CCDC178: variants seen among roughly 807,000 people sequenced by gnomAD.
CCDC178 encodes the protein coiled-coil domain containing 178.
In CCDC178, 126 loss-of-function variants were observed where a neutral mutation model predicts 117.4. The observed-to-expected ratio is 1.07, with a 90% CI of 0.93 to 1.24. CCDC178 has a LOEUF of 1.24. Ranked by LOEUF, CCDC178 falls within the 50% of genes most tolerant of loss-of-function variation. The pLI, the probability that CCDC178 is intolerant of heterozygous loss-of-function variation, is 0.00. For synonymous variants in CCDC178, 283 were observed against 313.4 expected, an observed-to-expected ratio of 0.90 and a Z score of 1.02; for missense variants, 1,030 against 986.9, an observed-to-expected ratio of 1.04 and a Z score of -0.59.
At chr18:33,017,921 A>G (rs1322322565) in intron 21 of CCDC178, among the ~76,000 whole-genome samples, 2 of 152,000 alleles carry the variant, frequency 1.3e-5, no homozygotes, top group Non-Finnish European at 2.9e-5. Flanking sequence ...AGAAGAAAAA[A>G]AAAGATAGAT....
chr18:33,074,001 T>G (rs1406100816), intron 21 of CCDC178, among the ~76,000 whole-genome samples: 1 of 151,930 alleles, frequency 6.6e-6, no homozygotes, highest in Non-Finnish European at 1.5e-5. Context: ...GGTCCCTATA[T>G]TGGGAATGAG....
chr18:32,980,460 A>G (rs1239938737), intron 21 of CCDC178, among the ~76,000 whole-genome samples: 1 of 150,586 alleles, frequency 6.6e-6, no homozygotes, highest in African/African-American at 2.4e-5. Context: ...AGTCCCAGCT[A>G]CTCGGGAGGC....
chr18:32,943,517 T>A (rs1233187750), intron 22 of CCDC178, among the ~76,000 whole-genome samples: 1 of 152,194 alleles, frequency 6.6e-6, no homozygotes, highest in Non-Finnish European at 1.5e-5. Flanking sequence ...TAAAATTGTA[T>A]ACTATTAATA....
At chr18:33,166,324 C>G (rs992218187) in intron 20 of CCDC178, among the ~76,000 whole-genome samples, 1 of 152,036 alleles carries the variant, frequency 6.6e-6, no homozygotes, top group Non-Finnish European at 1.5e-5. Flanking sequence ...TGTTTATATA[C>G]AATAAAACGA....
intron 11 of CCDC178, among the ~76,000 whole-genome samples, chr18:33,315,411 T>A (rs2062401623): frequency 6.6e-6 from 1 of 152,142 alleles, no homozygotes; most frequent in Non-Finnish European, 1.5e-5. Context: ...TCAAGGAATA[T>A]GAAAATGATA....
chr18:33,372,741 T>C (rs1238854634), intron 5 of CCDC178, among the ~76,000 whole-genome samples: 2 of 152,132 alleles, frequency 1.3e-5, no homozygotes, highest in Non-Finnish European at 2.9e-5. Context: ...GCAAATGAAA[T>C]AGAAAGACTA....
intron 20 of CCDC178, among the ~76,000 whole-genome samples, chr18:33,139,510 A>T (rs951818627): frequency 2.0e-5 from 3 of 152,158 alleles, no homozygotes; most frequent in African/African-American, 4.8e-5. Context: ...GAGATGAGGA[A>T]CTTGTTGGGA....
rs560020917 is a variant in CCDC178, at chr18:32,985,438, T to C, written c.2389-10757A>G. On this transcript the variant is annotated intron_variant, in intron 21 of 22. Transcript: ENST00000383096. ...ACCCTATTATTGTCTTAGCTTCTTG[T>C]TAGTGATCTAGAATTGTTCTAGCAC... Among the ~76,000 whole-genome samples, 41 of 152,124 alleles carry C rather than the reference T, an allele frequency of 2.7e-4. No individual in the cohort carries two copies. In the South Asian group the frequency reaches 6.2e-3, roughly 23 times the overall value.
At chr18:33,084,200 T>A (rs1196539161) in intron 21 of CCDC178, among the ~76,000 whole-genome samples, 1 of 152,248 alleles carries the variant, frequency 6.6e-6, no homozygotes. Context: ...ATTTTCTCCA[T>A]AATCCTTTAA....
At chr18:33,351,942 C>T (rs2062985061) in intron 7 of CCDC178, among the ~76,000 whole-genome samples, 1 of 152,144 alleles carries the variant, frequency 6.6e-6, no homozygotes, top group Non-Finnish European at 1.5e-5. Context: ...CATAGGATGA[C>T]TTAGAAATTA....
chr18:33,298,550 T>A (rs77125639), intron 11 of CCDC178, among the ~76,000 whole-genome samples: 1,581 of 152,232 alleles, frequency 0.01, 8 homozygotes, highest in Non-Finnish European at 0.016. Flanking sequence ...AGCTGAAAGT[T>A]TTTTCTATAA....
intron 21 of CCDC178, among the ~76,000 whole-genome samples, chr18:32,985,163 T>C (rs979156038): frequency 1.3e-5 from 2 of 152,142 alleles, no homozygotes; most frequent in East Asian, 1.9e-4. Context: ...AAATATAGTA[T>C]ATTTTTACTT....
chr18:33,082,647 C>A (rs453342), intron 21 of CCDC178, among the ~76,000 whole-genome samples: 21,579 of 152,026 alleles, frequency 0.14, 2,371 homozygotes, highest in African/African-American at 0.31. Context: ...ATGGGTGCAG[C>A]ACACCAATGT....
intron 20 of CCDC178, among the ~76,000 whole-genome samples, chr18:33,148,599 A>C (rs1276148607): frequency 1.3e-5 from 2 of 151,960 alleles, no homozygotes; most frequent in African/African-American, 4.8e-5. Flanking sequence ...ATTCTGCTGG[A>C]TATCTCCCAT....
chr18:33,050,843 G>A (rs2056734370), intron 21 of CCDC178, among the ~76,000 whole-genome samples: 1 of 152,128 alleles, frequency 6.6e-6, no homozygotes, highest in South Asian at 2.1e-4. Flanking sequence ...AAATGAAATA[G>A]ATTTCTAAAA....
intron 22 of CCDC178, among the ~76,000 whole-genome samples, chr18:32,972,236 T>C (rs994861910): frequency 1.3e-5 from 2 of 152,174 alleles, no homozygotes; most frequent in African/African-American, 4.8e-5. Context: ...TTTCTGCATA[T>C]GGCTAGCCAG....
intron 21 of CCDC178, among the ~76,000 whole-genome samples, chr18:33,061,273 G>T (rs1409307517): frequency 2.0e-5 from 3 of 151,868 alleles, no homozygotes; most frequent in African/African-American, 7.2e-5. Flanking sequence ...ATATGCAAAT[G>T]TATCAGTTTA....
intron 16 of CCDC178, among the ~76,000 whole-genome samples, chr18:33,226,207 G>GT (rs1414853290): frequency 5.3e-5 from 8 of 151,932 alleles, no homozygotes; most frequent in Admixed American, 5.3e-4. Flanking sequence ...CACTGAAACT[G>GT]TTTTGACTCT....
At chr18:33,193,608 G>A (rs2058889649) in intron 20 of CCDC178, among the ~76,000 whole-genome samples, 1 of 152,056 alleles carries the variant, frequency 6.6e-6, no homozygotes, top group South Asian at 2.1e-4. Context: ...TAGAATTCCG[G>A]ATCAGTTCAA....
Sources: allele counts gnomAD v4.1 joint callset (sites outside exome capture counted in the v4.1 genomes callset), GRCh38; gene constraint gnomAD v4.1.1; transcripts MANE v1.5; gene names NCBI Gene and HGNC (gene_info 2026-07-23, HGNC 2026-07-21).